The following GRIK4 variants were observed in gnomAD, a reference collection of about 807,000 sequenced individuals.
The protein encoded by GRIK4 is glutamate ionotropic receptor kainate type subunit 4.
Under a neutral mutation model 104.9 loss-of-function variants are expected in GRIK4, and 40 were observed. The ratio of observed to expected loss-of-function variants is 0.38; its 90% CI spans 0.30 to 0.50. The LOEUF is 0.50. GRIK4 is among the 20% of genes least tolerant of loss of function. The probability of loss-of-function intolerance (pLI) is 0.93; values close to 1 mark genes in which losing one functional copy is unlikely to be tolerated. For missense variants in GRIK4, 1,047 were observed against 1,308.1 expected (o/e 0.80, Z 3.08); for synonymous variants, 485 against 524.9 (o/e 0.92, Z 1.04).
In GRIK4 at chr11:120,875,670, T is replaced by A. The variant is rs112438354; in HGVS notation, c.1164+427T>A. On this transcript the variant is annotated intron_variant, in intron 11 of 20. Coordinates refer to ENST00000527524, the MANE Select transcript of GRIK4 (RefSeq NM_014619.5). ...TGGGTCTCTCCTGTCTGCCCTTCTC[T>A]GACCAACCCACAGCTCCCACCCCCA... Among the ~76,000 whole-genome samples, 97 of 152,228 alleles carry A rather than the reference T, an allele frequency of 6.4e-4. 1 individual carries two copies. The highest frequency in any genetic ancestry group is 2.3e-3 in the African/African-American group (96 of 41,518).
intron 9 of GRIK4, chr11:120,870,655 G>C (rs928572358): frequency 1.3e-5 from 2 of 152,144 alleles, no homozygotes; most frequent in African/African-American, 4.8e-5. Flanking sequence ...TCCAGGCCTT[G>C]CTTTGTGACC....
At chr11:120,941,830 T>C (rs1460049706) in intron 14 of GRIK4, among the ~76,000 whole-genome samples, 1 of 152,170 alleles carries the variant, frequency 6.6e-6, no homozygotes, top group Non-Finnish European at 1.5e-5. Context: ...AATACCTCGA[T>C]GTGGCCTTCC....
At chr11:120,789,395 C>G (rs1952351974) in intron 3 of GRIK4, among the ~76,000 whole-genome samples, 1 of 152,064 alleles carries the variant, frequency 6.6e-6, no homozygotes, top group South Asian at 2.1e-4. Flanking sequence ...CATCCCAACC[C>G]CCACTGATTT....
intron 13 of GRIK4, among the ~76,000 whole-genome samples, chr11:120,929,911 C>T (rs559570028): frequency 6.6e-6 from 1 of 152,250 alleles, no homozygotes; most frequent in South Asian, 2.1e-4. Flanking sequence ...GTTCCAGCCT[C>T]CTGACAAAAA....
Position 120,608,381 on chromosome 11 carries a change from A to G in GRIK4, c.-158-45304A>G, listed in dbSNP as rs527995495. On this transcript the variant is annotated intron_variant, in intron 1 of 20. Coordinates refer to ENST00000527524, the MANE Select transcript of GRIK4 (RefSeq NM_014619.5). ...AGGCGGAGTGCAAGGAATACTTGCT[A>G]AGACTCAAAATCACTAGGCTAAGAG... Among the ~76,000 whole-genome samples the G allele has an allele frequency of 7.1e-4, 108 of 152,246 alleles. 2 individuals carry two copies. Among genetic ancestry groups the G allele is most frequent in the Non-Finnish European group, 8.1e-4 (55 of 68,042 alleles).
chr11:120,901,949 C>G (rs1266174814), intron 12 of GRIK4, among the ~76,000 whole-genome samples: 2 of 152,198 alleles, frequency 1.3e-5, no homozygotes, highest in African/African-American at 4.8e-5. Context: ...AAGTACAACT[C>G]AAACAACTAT....
intron 14 of GRIK4, among the ~76,000 whole-genome samples, chr11:120,944,172 C>T (rs1040230639): frequency 6.7e-6 from 1 of 149,844 alleles, no homozygotes; most frequent in Non-Finnish European, 1.5e-5. Context: ...CTCTCCTCCC[C>T]CCCGTCCCAC....
rs1944760646 is a variant in GRIK4 at position 120,986,661 on chromosome 11, T to TA, written c.*402dup. The TA allele has an allele frequency of 6.1e-6, 1 of 164,810 alleles. No individual in the cohort carries two copies. Among genetic ancestry groups the TA allele is most frequent in the South Asian group, 2.0e-4 (1 of 4,960 alleles). 10.2% of individuals were successfully genotyped at this position (164,810 alleles called of 1,614,324 possible). ...GCCAATGTACCCTCCGTCTAGTTCT[T>TA]ACAGAAAAAAAAAAAATTAAACAGG... On this transcript the variant is annotated 3_prime_UTR_variant, in exon 21 of 21. Transcript: ENST00000527524.
chr11:120,913,856 TA>T (rs36119057), intron 13 of GRIK4, among the ~76,000 whole-genome samples: 3,324 of 132,686 alleles, frequency 0.025, 105 homozygotes, highest in African/African-American at 0.084. Flanking sequence ...TTTGCTGAAC[TA>T]AAAAAAAAAA....
At chr11:120,574,529 C>G (rs1948452492) in intron 1 of GRIK4, among the ~76,000 whole-genome samples, 2 of 152,152 alleles carry the variant, frequency 1.3e-5, no homozygotes, top group African/African-American at 4.8e-5. Flanking sequence ...AATGTCTTCT[C>G]CTTTGGGAAG....
intron 3 of GRIK4, among the ~76,000 whole-genome samples, chr11:120,737,390 A>G (rs1387890066): frequency 1.3e-5 from 2 of 152,224 alleles, no homozygotes; most frequent in African/African-American, 2.4e-5. Context: ...AAAAGCAGGC[A>G]TTGTGTGTTC....
At chr11:120,579,216 G>T (rs1948529962) in intron 1 of GRIK4, among the ~76,000 whole-genome samples, 1 of 142,416 alleles carries the variant, frequency 7.0e-6, no homozygotes, top group African/African-American at 2.5e-5. Flanking sequence ...GACAGCACAC[G>T]ACAAAATAAC....
At chr11:120,666,673 G>C (rs114189550) in intron 3 of GRIK4, among the ~76,000 whole-genome samples, 258 of 152,312 alleles carry the variant, frequency 1.7e-3, no homozygotes, top group African/African-American at 5.9e-3. Flanking sequence ...GTGGCTGCCT[G>C]TGTTCATTTG....
intron 11 of GRIK4, among the ~76,000 whole-genome samples, chr11:120,888,980 C>T (rs1298474733): frequency 1.3e-5 from 2 of 152,160 alleles, no homozygotes; most frequent in Non-Finnish European, 2.9e-5. Context: ...ATCTCTTACC[C>T]TTGGCATTTA....
chr11:120,603,229 C>T (rs1948911143), intron 1 of GRIK4, among the ~76,000 whole-genome samples: 1 of 152,224 alleles, frequency 6.6e-6, no homozygotes, highest in Non-Finnish European at 1.5e-5. Context: ...GGCATTTTCC[C>T]ATGGGCCACA....
In GRIK4 at chr11:120,961,048, G is replaced by C. The variant is rs773850072; in HGVS notation, c.2014G>C (p.Gly672Arg). Residue 672 changes from glycine (G) to arginine (R), a missense_variant, in exon 17 of 21, where the codon GGA (glycine) becomes CGA (arginine). By Grantham distance (125) the Gly-to-Arg change is moderately radical (BLOSUM62 -2). Transcript: ENST00000527524. ...CGCCATTGAATATGGCACAATTCAC[G>C]GAGGCTCCAGCATGACCTTCTTCCA... ...QTAIEYGTIH[G>R]GSSMTFFQNS... The C allele has an allele frequency of 4.3e-6, 7 of 1,613,964 alleles. No individual in the cohort carries two copies. The highest frequency in any genetic ancestry group is 5.9e-6 in the Non-Finnish European group (7 of 1,179,986).
chr11:120,710,994 A>AGGGG, intron 3 of GRIK4, among the ~76,000 whole-genome samples: 1 of 109,682 alleles, frequency 9.1e-6, no homozygotes, highest in African/African-American at 4.9e-5. Flanking sequence ...TGCCCCTGTG[A>AGGGG]GGTGGGGAGG....
intron 3 of GRIK4, among the ~76,000 whole-genome samples, chr11:120,728,887 C>T (rs536141316): frequency 6.6e-6 from 1 of 152,270 alleles, no homozygotes; most frequent in South Asian, 2.1e-4. Context: ...CACCAATTAA[C>T]TATCCCCACT....
intron 1 of GRIK4, among the ~76,000 whole-genome samples, chr11:120,601,279 G>A (rs1258877988): frequency 6.6e-6 from 1 of 152,054 alleles, no homozygotes; most frequent in Non-Finnish European, 1.5e-5. Context: ...TGTGGTGCAC[G>A]CCTGTAATCC....
Sources: allele counts gnomAD v4.1 joint callset (sites outside exome capture counted in the v4.1 genomes callset), GRCh38; gene constraint gnomAD v4.1.1; transcripts MANE v1.5; gene names NCBI Gene and HGNC (gene_info 2026-07-23, HGNC 2026-07-21).